Variants in REEP3 observed in about 807,000 individuals in gnomAD.
REEP3 encodes the protein receptor expression-enhancing protein 3.
In REEP3, 20 loss-of-function variants were observed where a neutral mutation model predicts 41.3. The observed-to-expected ratio is 0.48, with a 90% CI of 0.34 to 0.70. The LOEUF is 0.70. REEP3 is among the 30% of genes least tolerant of loss of function. The probability of loss-of-function intolerance (pLI) is 0.01; values close to 1 mark genes in which losing one functional copy is unlikely to be tolerated. For synonymous variants in REEP3, 104 were observed against 101.8 expected (o/e 1.02, Z -0.13); for missense variants, 271 against 308.8 (o/e 0.88, Z 0.92).
rs575591028 is a variant in REEP3 at position 63,571,429 on chromosome 10, G to A, written c.105+5019G>A. Among the ~76,000 whole-genome samples the A allele has an allele frequency of 1.6e-4, 24 of 152,210 alleles. No individual in the cohort carries two copies. In the East Asian group the frequency reaches 3.5e-3, roughly 22 times the overall value. ...CTACTCCAGCTTCTACAGGCTGCCC[G>A]CATTCCTTGGTTTATGGCTTTATTC... On this transcript the variant is annotated intron_variant, in intron 2 of 7. Transcript: ENST00000373758.
At chr10:63,614,463 TG>T (rs1425278567) in intron 6 of REEP3, among the ~76,000 whole-genome samples, 1 of 152,210 alleles carries the variant, frequency 6.6e-6, no homozygotes, top group East Asian at 1.9e-4. Context: ...CTCACACATC[TG>T]CTGTCTGAGC....
chr10:63,590,945 A>G (rs1956056380), intron 2 of REEP3, among the ~76,000 whole-genome samples: 1 of 152,188 alleles, frequency 6.6e-6, no homozygotes, highest in Non-Finnish European at 1.5e-5. Flanking sequence ...ACTGACTTCT[A>G]TTTACATATT....
chr10:63,613,080 C>T (rs111319233), intron 6 of REEP3, among the ~76,000 whole-genome samples: 1 of 152,012 alleles, frequency 6.6e-6, no homozygotes, highest in African/African-American at 2.4e-5. Flanking sequence ...GGCACGATCT[C>T]GGCTCACTGC....
intron 5 of REEP3, among the ~76,000 whole-genome samples, chr10:63,606,484 C>T (rs763799337): frequency 6.6e-6 from 1 of 152,112 alleles, no homozygotes; most frequent in Non-Finnish European, 1.5e-5. Context: ...CTCCTGGCCT[C>T]ATGTGATCCT....
intron 5 of REEP3, among the ~76,000 whole-genome samples, chr10:63,604,488 T>C (rs761902894): frequency 6.6e-6 from 1 of 152,206 alleles, no homozygotes; most frequent in Non-Finnish European, 1.5e-5. Context: ...TTAGCAGATA[T>C]AAGAAATCAG....
chr10:63,542,231 A>C (rs1334548855), intron 1 of REEP3, among the ~76,000 whole-genome samples: 1 of 151,760 alleles, frequency 6.6e-6, no homozygotes, highest in Non-Finnish European at 1.5e-5. Context: ...AGGCATGCAC[A>C]CCATGCCTGG....
chr10:63,535,523 A>G (rs1472160985), intron 1 of REEP3, among the ~76,000 whole-genome samples: 1 of 152,194 alleles, frequency 6.6e-6, no homozygotes, highest in Non-Finnish European at 1.5e-5. Flanking sequence ...TGAAAGAGCA[A>G]AAGCCCCAGA....
intron 1 of REEP3, among the ~76,000 whole-genome samples, chr10:63,559,298 A>G (rs1165470674): frequency 1.3e-5 from 2 of 152,208 alleles, no homozygotes; most frequent in African/African-American, 4.8e-5. Flanking sequence ...AGTGATTTAT[A>G]CACTGCATAA....
At chr10:63,527,285 T>A (rs924627209) in intron 1 of REEP3, among the ~76,000 whole-genome samples, 1 of 151,916 alleles carries the variant, frequency 6.6e-6, no homozygotes, top group Non-Finnish European at 1.5e-5. Flanking sequence ...CTATTACTTC[T>A]CCCATCTTAA....
intron 2 of REEP3, among the ~76,000 whole-genome samples, chr10:63,585,034 T>G (rs2133393207): frequency 6.6e-6 from 1 of 152,358 alleles, no homozygotes; most frequent in African/African-American, 2.4e-5. Flanking sequence ...GAGTCTGTAA[T>G]TAAGAGAGTT....
At chr10:63,560,052 G>GT (rs1280403845) in intron 1 of REEP3, among the ~76,000 whole-genome samples, 1 of 151,922 alleles carries the variant, frequency 6.6e-6, no homozygotes, top group African/African-American at 2.4e-5. Context: ...ATAAAATATT[G>GT]TTTTTAAAAT....
chr10:63,575,126 T>C (rs1785285415), intron 2 of REEP3, among the ~76,000 whole-genome samples: 1 of 152,164 alleles, frequency 6.6e-6, no homozygotes, highest in South Asian at 2.1e-4. Flanking sequence ...AGTGCTGAGA[T>C]AACAGGCATT....
Position 63,594,815 on chromosome 10 carries a change from A to G in REEP3, c.143A>G (p.Tyr48Cys), listed in dbSNP as rs768683686. Residue 48 changes from tyrosine (Y) to cysteine (C), a missense_variant, in exon 3 of 8, where the codon TAT becomes TGT. Tyr to Cys is a radical substitution (Grantham distance 194, BLOSUM62 -2). Transcript: ENST00000373758. Reference protein sequence around the residue: ...WMMYWIVFALYTVIETVADQT... With the variant: ...WMMYWIVFALCTVIETVADQT... The stretch of plus-strand genomic sequence containing the variant: ...ATGTACTGGATTGTTTTTGCTCTCT[A>G]TACTGTGATTGAAACAGTAGCCGAT... The G allele has an allele frequency of 4.2e-5, 67 of 1,612,748 alleles. No homozygotes were observed. Among genetic ancestry groups the G allele is most frequent in the Non-Finnish European group, 5.5e-5 (65 of 1,178,866 alleles).
intron 1 of REEP3, among the ~76,000 whole-genome samples, chr10:63,556,625 T>G (rs749914500): frequency 0.049 from 702 of 14,222 alleles, 47 homozygotes; most frequent in Admixed American, 0.085. Flanking sequence ...TTTTTTTTTT[T>G]GTTGTTTTGT....
At chr10:63,540,822 G>A (rs946424885) in intron 1 of REEP3, among the ~76,000 whole-genome samples, 9 of 152,036 alleles carry the variant, frequency 5.9e-5, no homozygotes, top group Non-Finnish European at 1.2e-4. Flanking sequence ...CTGGTTTCTA[G>A]CCATCCTCCC....
intron 1 of REEP3, among the ~76,000 whole-genome samples, chr10:63,558,005 A>G (rs1223178529): frequency 6.6e-6 from 1 of 152,202 alleles, no homozygotes; most frequent in Non-Finnish European, 1.5e-5. Flanking sequence ...AATCTCTCAT[A>G]TGAAATTTCA....
chr10:63,542,998 C>T (rs1411468403), intron 1 of REEP3, among the ~76,000 whole-genome samples: 2 of 152,058 alleles, frequency 1.3e-5, no homozygotes, highest in Non-Finnish European at 2.9e-5. Flanking sequence ...TGCCACGTTT[C>T]TCTATGTTTT....
chr10:63,598,953 A>T (rs1956145767), intron 4 of REEP3, among the ~76,000 whole-genome samples: 1 of 152,088 alleles, frequency 6.6e-6, no homozygotes, highest in Admixed American at 6.6e-5. Flanking sequence ...TTATTTGGTC[A>T]TGGTGGTACA....
intron 5 of REEP3, among the ~76,000 whole-genome samples, chr10:63,609,265 A>G (rs1341876938): frequency 6.6e-6 from 1 of 151,088 alleles, no homozygotes; most frequent in Non-Finnish European, 1.5e-5. Context: ...ATCCTGGCTA[A>G]CACAGTGAAA....
Sources: gnomAD v4.1 joint callset for allele counts (sites outside exome capture counted in the v4.1 genomes callset) on GRCh38, gnomAD v4.1.1 for gene constraint, MANE v1.5 for transcripts, NCBI Gene and HGNC (gene_info 2026-07-23, HGNC 2026-07-21) for gene names.